SASH1: variants seen among roughly 807,000 people sequenced by gnomAD.
SASH1 encodes SAM and SH3 domain containing 1, also known as SAM and SH3 domain-containing protein 1.
A neutral mutation model predicts 125.2 loss-of-function variants in SASH1; 44 were observed. That is an observed-to-expected ratio of 0.35 (90% CI 0.28 to 0.45). SASH1 has a LOEUF of 0.45. SASH1 is among the 20% of genes least tolerant of loss of function. The pLI is 1.00. For synonymous variants in SASH1, 639 were observed against 649.1 expected (o/e 0.98, Z 0.24); for missense variants, 1,426 against 1,614.5 (o/e 0.88, Z 2.00).
At chr6:148,355,043 G>A (rs1781876800) in intron 1 of SASH1, among the ~76,000 whole-genome samples, 1 of 152,182 alleles carries the variant, frequency 6.6e-6, no homozygotes, top group Non-Finnish European at 1.5e-5. Flanking sequence ...ACAGGCATGA[G>A]CCACCGCACC....
the SASH1 span, among the ~76,000 whole-genome samples, chr6:148,194,868 T>G: frequency 6.6e-6 from 1 of 152,248 alleles, no homozygotes. Flanking sequence ...ATCGCGCCAC[T>G]GCACTCCAGC....
At chr6:148,534,059 T>G (rs1340748694) in intron 15 of SASH1, 79 bp downstream of exon 15, 3 of 1,338,224 alleles carry the variant, frequency 2.2e-6, no homozygotes, top group Non-Finnish European at 3.2e-6. Flanking sequence ...TGAGGGCATT[T>G]TTAGGGTAGG....
chr6:148,368,659 A>T (rs934247710), intron 1 of SASH1, among the ~76,000 whole-genome samples: 7 of 152,082 alleles, frequency 4.6e-5, no homozygotes, highest in African/African-American at 1.4e-4. Flanking sequence ...AATTGAAATG[A>T]TGTACAAGAA....
intron 1 of SASH1, among the ~76,000 whole-genome samples, chr6:148,333,198 C>T (rs1043624771): frequency 4.0e-5 from 6 of 151,642 alleles, no homozygotes; most frequent in African/African-American, 7.3e-5. Context: ...CCAAGGAGTT[C>T]GAGACCAGCC....
At chr6:148,387,075 CTCTG>C (rs66650717) in intron 1 of SASH1, among the ~76,000 whole-genome samples, 9,663 of 137,328 alleles carry the variant, frequency 0.07, 1,155 homozygotes, top group African/African-American at 0.25. Flanking sequence ...TGCTTTCTCC[CTCTG>C]TCTCTCTCTC....
In SASH1 at chr6:148,497,989, GCTCTTTGA is replaced by G. The variant is rs531629800; in HGVS notation, c.729+10277_729+10284del. ...GGCACTCTCATGGCAGGCCCATTTG[GCTCTTTGA>G]CTTTGGGAACTAACCAGGCACATCT... On this transcript the variant is annotated intron_variant, in intron 8 of 19. Transcript: ENST00000367467. Among the ~76,000 whole-genome samples, 9 of 152,198 alleles carry G rather than the reference GCTCTTTGA, an allele frequency of 5.9e-5. No homozygotes were observed. In the South Asian group the frequency reaches 1.9e-3, roughly 32 times the overall value.
upstream of SASH1, among the ~76,000 whole-genome samples, chr6:148,271,628 G>A (rs1779063553): frequency 6.6e-6 from 1 of 152,146 alleles, no homozygotes; most frequent in Admixed American, 6.5e-5. Flanking sequence ...TATTAAATCA[G>A]GTTAAACTAG....
the SASH1 span, among the ~76,000 whole-genome samples, chr6:148,233,562 A>C: frequency 3.9e-5 from 6 of 152,000 alleles, no homozygotes; most frequent in African/African-American, 1.4e-4. Flanking sequence ...GAGAAGAGAT[A>C]ATTAAAGACA....
the SASH1 span, among the ~76,000 whole-genome samples, chr6:148,212,201 C>T: frequency 8.5e-5 from 13 of 152,264 alleles, no homozygotes; most frequent in Middle Eastern, 6.8e-3. Context: ...AAATCATCTT[C>T]ACCCAGAGCA....
At chr6:148,216,956 A>G in the SASH1 span, among the ~76,000 whole-genome samples, 1 of 151,926 alleles carries the variant, frequency 6.6e-6, no homozygotes, top group African/African-American at 2.4e-5. Flanking sequence ...CGATCTCCTG[A>G]CCTCAAATGA....
intron 1 of SASH1, among the ~76,000 whole-genome samples, chr6:148,387,672 CTTTCTTTCTT>C (rs1783519811): frequency 2.4e-5 from 2 of 82,510 alleles, no homozygotes; most frequent in East Asian, 2.8e-4. Flanking sequence ...TTCTTTCTTT[CTTTCTTTCTT>C]TCTTTCTTTC....
At chr6:148,483,878 CAG>C (rs1236917927) in intron 7 of SASH1, among the ~76,000 whole-genome samples, 1 of 152,124 alleles carries the variant, frequency 6.6e-6, no homozygotes, top group African/African-American at 2.4e-5. Flanking sequence ...CATCAAATCA[CAG>C]AGATTTGGAC....
At chr6:148,228,933 C>A in the SASH1 span, among the ~76,000 whole-genome samples, 1 of 151,980 alleles carries the variant, frequency 6.6e-6, no homozygotes, top group African/African-American at 2.4e-5. Context: ...GTCAAGAGTT[C>A]AAGACCAGCC....
Position 148,495,352 on chromosome 6 carries a change from T to TTACA in SASH1, c.729+7638_729+7639insACAT, listed in dbSNP as rs1319594066. On this transcript the variant is annotated intron_variant, in intron 8 of 19. Coordinates refer to ENST00000367467, the MANE Select transcript of SASH1 (RefSeq NM_015278.5). This position sits in a 1 kb window ranked among gnomAD's most constrained non-coding sequence, Gnocchi z 4.0. ...GAGCAGAGTGGCAGCATCCTTCTAC[T>TTACA]TGTATAACCACTGTCGTCTTTTATA... Among the ~76,000 whole-genome samples, 10 of 152,214 alleles carry TTACA rather than the reference T, an allele frequency of 6.6e-5. No individual in the cohort carries two copies. Among genetic ancestry groups the TTACA allele is most frequent in the Non-Finnish European group, 1.5e-5 (1 of 68,036 alleles).
At chr6:148,310,278 C>G (rs11968918) in intron 1 of SASH1, among the ~76,000 whole-genome samples, 41,715 of 151,868 alleles carry the variant, frequency 0.27, 5,953 homozygotes, top group South Asian at 0.35. Flanking sequence ...GCCAAGATTG[C>G]GACACTGCAC....
chr6:148,484,342 A>G (rs971689341), intron 7 of SASH1, among the ~76,000 whole-genome samples: 2 of 152,072 alleles, frequency 1.3e-5, no homozygotes, highest in Non-Finnish European at 2.9e-5. Flanking sequence ...CTTAAGACAC[A>G]CACACACACC....
chr6:148,343,234 T>C lies in SASH1; in HGVS notation c.156+11T>C, dbSNP rs763116797. Reference sequence around the variant, plus strand: ...GTGATGGGTATCCTGGTAAGTTACCTGGGGAGGGGGCGGCGCAGGAAGTAC... The same window carrying C: ...GTGATGGGTATCCTGGTAAGTTACCCGGGGAGGGGGCGGCGCAGGAAGTAC... On this transcript the variant is annotated intron_variant, in intron 1 of 19. Coordinates refer to ENST00000367467, the MANE Select transcript of SASH1 (RefSeq NM_015278.5). The C allele has an allele frequency of 6.3e-7, 1 of 1,583,010 alleles. No homozygotes were observed. Among genetic ancestry groups the C allele is most frequent in the Non-Finnish European group, 8.6e-7 (1 of 1,169,082 alleles).
the SASH1 span, among the ~76,000 whole-genome samples, chr6:148,265,997 A>G: frequency 4.0e-5 from 6 of 151,026 alleles, no homozygotes; most frequent in East Asian, 1.2e-3. Context: ...TTTGAGACAG[A>G]GCTTTGCTCT....
chr6:148,410,066 A>T (rs1784554017), intron 2 of SASH1, among the ~76,000 whole-genome samples: 1 of 145,028 alleles, frequency 6.9e-6, no homozygotes, highest in African/African-American at 2.6e-5. Context: ...CAAGAGGGAC[A>T]TTGAACTAGG....
Sources: allele counts gnomAD v4.1 joint callset (sites outside exome capture counted in the v4.1 genomes callset), GRCh38; gene constraint gnomAD v4.1.1; non-coding constraint Gnocchi (gnomAD v3.1); transcripts MANE v1.5; gene names NCBI Gene and HGNC (gene_info 2026-07-23, HGNC 2026-07-21).